RSPH4A: variants seen among roughly 807,000 people sequenced by gnomAD.
RSPH4A encodes radial spoke head protein 4 homolog A.
RSPH4A carries 47 observed loss-of-function variants against 71.0 expected under a neutral mutation model. That is an observed-to-expected ratio of 0.66 (90% CI 0.52 to 0.84). RSPH4A has a LOEUF of 0.84. Among genes scored for constraint, RSPH4A ranks in the 40% least tolerant of loss-of-function variants. RSPH4A has a pLI of 0.00. For synonymous variants in RSPH4A, 282 were observed against 302.3 expected (o/e 0.93, Z 0.70); for missense variants, 793 against 855.2 (o/e 0.93, Z 0.91).
Position 116,617,116 on chromosome 6 carries a change from G to C in RSPH4A, c.493G>C (p.Asp165His). The C allele has an allele frequency of 1.2e-6, 2 of 1,614,174 alleles. No homozygotes were observed. The highest frequency in any genetic ancestry group is 2.7e-5 in the African/African-American group (2 of 75,032). The change falls in exon 1 of 6, where the codon GAC becomes CAC. Residue 165 changes from aspartate (D) to histidine (H), a missense_variant. By Grantham distance (81) the Asp-to-His change is moderately conservative (BLOSUM62 -1). Coordinates refer to ENST00000229554, the MANE Select transcript of RSPH4A (RefSeq NM_001010892.3). ...CAAACCCCACCTGTGTGGACGAAGG[G>C]ACGTGAGCTATAACAACGCTAAACA... The part of the protein sequence containing the change: ...QPKPHLCGRR[D>H]VSYNNAKQKE...
intron 5 of RSPH4A, among the ~76,000 whole-genome samples, chr6:116,631,369 T>A (rs978528100): frequency 6.6e-6 from 1 of 152,096 alleles, no homozygotes; most frequent in Non-Finnish European, 1.5e-5. Context: ...AGCTTTGACA[T>A]CCCCCTGTTC....
In RSPH4A at chr6:116,623,097, C is replaced by CTTGTTTTGTT. The variant is rs3033963; in HGVS notation, c.921+117_921+126dup. 21,164 of 762,672 alleles carry CTTGTTTTGTT rather than the reference C, an allele frequency of 0.028. 990 individuals are homozygous for CTTGTTTTGTT. The highest frequency in any genetic ancestry group is 0.16 in the African/African-American group (8,730 of 55,786). The allele number at this position is 762,672 out of a possible 1,614,324, so 47.2% of individuals were successfully genotyped here. ...AATTCATACCAACTGTATTTTATAG[C>CTTGTTTTGTT]TTGTTTTGTTTTGTTTTGTTTTGTT... On this transcript the variant is annotated intron_variant, in intron 2 of 5. Coordinates refer to ENST00000229554, the MANE Select transcript of RSPH4A (RefSeq NM_001010892.3).
intron 1 of RSPH4A, 26 bp from the exon 2 acceptor site, chr6:116,622,742 A>C: frequency 7.2e-7 from 1 of 1,380,372 alleles, no homozygotes. Context: ...CATGTATATT[A>C]TCTGGAATTT....
At position 116,628,190 on chromosome 6, in the gene RSPH4A, AC is replaced by A; in HGVS notation, c.1486del (p.His496ThrfsTer5). 6.2e-7 allele frequency: 1 copy of A among 1,614,170 alleles called. No individual in the cohort carries two copies. The highest frequency in any genetic ancestry group is 8.5e-7 in the Non-Finnish European group (1 of 1,180,028). On this transcript the variant is annotated frameshift_variant, in exon 3 of 6. Transcript: ENST00000229554. LOFTEE classifies it high-confidence loss of function. ...RAQIARISAGTHVSPLGFYQF... is the reference protein window; with the variant it reads ...RAQIARISAGXHVSPLGFYQF... ...ACAAATTGCCCGAATTTCAGCAGGA[AC>A]CCACGTCAGTCCTCTAGGATTTTAT...
At chr6:116,632,122 TAAGCACTTTAATATTACAG>T (rs1775813560) in intron 5 of RSPH4A, 66 bp from the exon 6 acceptor site, 1 of 944,932 alleles carries the variant, frequency 1.1e-6, no homozygotes, top group African/African-American at 1.7e-5. Flanking sequence ...CATGATATTC[TAAGCACTTTAATATTACAG>T]AAGGGTCAGT....
Position 116,632,278 on chromosome 6 carries a change from C to T in RSPH4A, c.1988C>T (p.Pro663Leu). ...GACAATTATACACCCCCAGTTCCAC[C>T]ACCAGTTTATCAAGAATACCCCAGT... is the stretch of plus-strand genomic sequence containing the variant. Reference protein sequence around the residue: ...SPDNYTPPVPPPVYQEYPSGP... With the variant: ...SPDNYTPPVPLPVYQEYPSGP... Residue 663 changes from proline to leucine, a missense_variant, in exon 6 of 6, where the codon CCA becomes CTA. Physicochemically the swap from Pro to Leu is moderately conservative, Grantham distance 98 (BLOSUM62 -3). Coordinates refer to ENST00000229554, the MANE Select transcript of RSPH4A (RefSeq NM_001010892.3). The T allele has an allele frequency of 6.2e-7, 1 of 1,612,880 alleles. No individual in the cohort carries two copies. Among genetic ancestry groups the T allele is most frequent in the Non-Finnish European group, 8.5e-7 (1 of 1,179,864 alleles).
In RSPH4A at chr6:116,622,909, G is replaced by A; in HGVS notation, c.828G>A (p.Glu276=). 2 of 1,613,918 alleles carry A rather than the reference G, an allele frequency of 1.2e-6. No homozygotes were observed. Among genetic ancestry groups the A allele is most frequent in the Non-Finnish European group, 1.7e-6 (2 of 1,179,854 alleles). Residue 276 remains glutamate (E), a synonymous_variant, in exon 2 of 6, where the codon GAG becomes GAA. Transcript: ENST00000229554. ...TTGATGCACTACAAAATGAGAATGAGTTGCTTCCAACATATGAAATAGCAG... is the reference window on the plus strand; with the variant it reads ...TTGATGCACTACAAAATGAGAATGAATTGCTTCCAACATATGAAATAGCAG... ...KKFDALQNEN[E]LLPTYEIAEK...
chr6:116,616,935 C>A lies in RSPH4A; in HGVS notation c.312C>A (p.Leu104=). ...CCCTGGCTCCGGCCAGACAAGACCT[C>A]GCGGCACCACCTCAGTCGGACAGGA... The part of the protein sequence containing the change: ...PSPLAPARQD[L]AAPPQSDRTT... The change falls in exon 1 of 6, where the codon CTC becomes CTA. Residue 104 remains leucine, a synonymous_variant. Transcript: ENST00000229554. The A allele has an allele frequency of 1.2e-6, 2 of 1,614,204 alleles. No individual in the cohort carries two copies. The highest frequency in any genetic ancestry group is 1.7e-6 in the Non-Finnish European group (2 of 1,180,030).
In RSPH4A at chr6:116,632,409, G is replaced by A. The variant is rs535462909; in HGVS notation, c.2119G>A (p.Glu707Lys). 3.1e-6 allele frequency: 5 copies of A among 1,613,540 alleles called. No individual in the cohort carries two copies. The highest frequency in any genetic ancestry group is 4.2e-6 in the Non-Finnish European group (5 of 1,179,800). Residue 707 changes from glutamate (E) to lysine (K), a missense_variant, in exon 6 of 6, where the codon GAA (glutamate) becomes AAA (lysine). Physicochemically the swap from Glu to Lys is moderately conservative, Grantham distance 56. Coordinates refer to ENST00000229554, the MANE Select transcript of RSPH4A (RefSeq NM_001010892.3). Reference sequence around the variant, plus strand: ...CGCAGCTGAGAATGAAGAATCTGAGGAAGATGAAGATGAGGAAGATGATTA... The same window carrying A: ...CGCAGCTGAGAATGAAGAATCTGAGAAAGATGAAGATGAGGAAGATGATTA... ...LLAAENEESEEDEDEEDDYD is the reference protein window; with the variant it reads ...LLAAENEESEKDEDEEDDYD
chr6:116,631,813 A>C (rs1037222733), intron 5 of RSPH4A, among the ~76,000 whole-genome samples: 7 of 152,214 alleles, frequency 4.6e-5, no homozygotes, highest in African/African-American at 1.7e-4. Context: ...ATAGGTTTCT[A>C]ACCACAAGCC....
In RSPH4A at chr6:116,632,844, G is replaced by A. The variant is rs1346152699; in HGVS notation, c.*403G>A. ...CAAACACTGGAAGATATAACCCACA[G>A]GAAATTCTTGGAAACATCAATACTT... On this transcript the variant is annotated 3_prime_UTR_variant, in exon 6 of 6. Coordinates refer to ENST00000229554, the MANE Select transcript of RSPH4A (RefSeq NM_001010892.3). The A allele has an allele frequency of 5.0e-6, 1 of 201,784 alleles. No individual in the cohort carries two copies. The highest frequency in any genetic ancestry group is 2.4e-5 in the African/African-American group (1 of 42,306). 12.5% of individuals were successfully genotyped at this position (201,784 alleles called of 1,614,324 possible).
In RSPH4A at chr6:116,617,110, C is replaced by G. The variant is rs1373133363; in HGVS notation, c.487C>G (p.Arg163Gly). The change falls in exon 1 of 6, where the codon CGA becomes GGA. Residue 163 changes from arginine (R) to glycine (G), a missense_variant. Transcript: ENST00000229554. ...GCAACCCAAACCCCACCTGTGTGGA[C>G]GAAGGGACGTGAGCTATAACAACGC... The part of the protein sequence containing the change: ...SQQPKPHLCG[R>G]RDVSYNNAKQ... 18 of 1,614,010 alleles carry G rather than the reference C, an allele frequency of 1.1e-5. No homozygotes were observed. The highest frequency in any genetic ancestry group is 4.0e-5 in the African/African-American group (3 of 74,890).
At chr6:116,624,212 G>A (rs1291016037) in intron 2 of RSPH4A, among the ~76,000 whole-genome samples, 1 of 152,232 alleles carries the variant, frequency 6.6e-6, no homozygotes, top group Non-Finnish European at 1.5e-5. Flanking sequence ...AGTAAGACCT[G>A]TAGTACTCAT....
At chr6:116,619,821 C>T in intron 1 of RSPH4A, among the ~76,000 whole-genome samples, 1 of 152,112 alleles carries the variant, frequency 6.6e-6, no homozygotes, top group Non-Finnish European at 1.5e-5. Flanking sequence ...CAGGTTCACG[C>T]CATTCTCTTG....
chr6:116,627,195 A>G (rs777455438), intron 2 of RSPH4A, among the ~76,000 whole-genome samples: 5 of 152,048 alleles, frequency 3.3e-5, no homozygotes, highest in Non-Finnish European at 5.9e-5. Flanking sequence ...TCATACTTTG[A>G]CCTAAATCTT....
intron 1 of RSPH4A, among the ~76,000 whole-genome samples, chr6:116,622,058 T>C (rs1431545707): frequency 6.6e-6 from 1 of 152,184 alleles, no homozygotes; most frequent in Non-Finnish European, 1.5e-5. Context: ...GTGTTTCGAA[T>C]GGAATAGAAC....
At position 116,616,910 on chromosome 6, in the gene RSPH4A, C is replaced by T. The variant is rs201187909; in HGVS notation, c.287C>T (p.Pro96Leu). 165 of 1,614,208 alleles carry T rather than the reference C, an allele frequency of 1.0e-4. 1 individual carries two copies. In the East Asian group the frequency reaches 3.2e-3, roughly 31 times the overall value. The change falls in exon 1 of 6, where the codon CCC becomes CTC. Residue 96 changes from proline (P) to leucine (L), a missense_variant. Coordinates refer to ENST00000229554, the MANE Select transcript of RSPH4A (RefSeq NM_001010892.3). ...SPREPSSSPS[P>L]LAPARQDLAA... is the part of the protein sequence containing the mutation. ...CGGGAGCCCTCTTCCTCTCCTTCTC[C>T]CCTGGCTCCGGCCAGACAAGACCTC... is the stretch of plus-strand genomic sequence containing the variant.
intron 5 of RSPH4A, among the ~76,000 whole-genome samples, chr6:116,631,958 T>TG (rs1397573320): frequency 6.6e-6 from 1 of 152,044 alleles, no homozygotes; most frequent in African/African-American, 2.4e-5. Flanking sequence ...GTGGTCTAGG[T>TG]GTAGGGTACA....
At chr6:116,617,605 AAAAGACCAT>A (rs1775534378) in intron 1 of RSPH4A, among the ~76,000 whole-genome samples, 1 of 152,066 alleles carries the variant, frequency 6.6e-6, no homozygotes, top group Non-Finnish European at 1.5e-5. Context: ...TCGGGCTTGA[AAAAGACCAT>A]AAAGACCATA....
Sources: allele counts gnomAD v4.1 joint callset (sites outside exome capture counted in the v4.1 genomes callset), GRCh38; gene constraint gnomAD v4.1.1; transcripts MANE v1.5; gene names NCBI Gene and HGNC (gene_info 2026-07-23, HGNC 2026-07-21).